LYST: variants seen among roughly 807,000 people sequenced by gnomAD.
The protein encoded by LYST is lysosomal trafficking regulator, also known as lysosomal-trafficking regulator.
LYST carries 192 observed loss-of-function variants against 413.6 expected under a neutral mutation model. The ratio of observed to expected loss-of-function variants is 0.46; its 90% confidence interval spans 0.41 to 0.52. The LOEUF (loss-of-function observed/expected upper bound fraction) is 0.52. Ranked by LOEUF, LYST falls within the 20% of genes least tolerant of loss-of-function variation. The probability of loss-of-function intolerance (pLI) is 0.00; values close to 1 mark genes in which losing one functional copy is unlikely to be tolerated. For synonymous variants in LYST, 1,525 were observed against 1,567.3 expected, an observed-to-expected ratio of 0.97 and a Z score of 0.64; for missense variants, 3,815 against 4,499.9, an observed-to-expected ratio of 0.85 and a Z score of 4.35.
rs1206084274 is a variant in LYST at position 235,716,790 on chromosome 1, G to C, written c.9561-12C>G. ...GTTTAGAGAGATTTCTGCAAGAAAA[G>C]GACAATTTTAAAAATTAAATATTTT... is the stretch of plus-strand genomic sequence containing the variant. On this transcript the variant is annotated splice_polypyrimidine_tract_variant and intron_variant, in intron 40 of 52. Transcript: ENST00000389793. The C allele has an allele frequency of 2.0e-6, 3 of 1,510,610 alleles. No homozygotes were observed. The highest frequency in any genetic ancestry group is 1.7e-5 in the Admixed American group (1 of 59,710). The allele number at this position is 1,510,610 out of a possible 1,614,324, so 93.6% of individuals were successfully genotyped here.
intron 7 of LYST, among the ~76,000 whole-genome samples, chr1:235,803,368 C>A (rs1467685819): frequency 6.6e-6 from 1 of 152,024 alleles, no homozygotes; most frequent in African/African-American, 2.4e-5. Flanking sequence ...CAAAAAACCA[C>A]AATGTGGTAA....
At chr1:235,869,695 T>C (rs180870264), upstream of LYST, among the ~76,000 whole-genome samples, 185 of 152,312 alleles carry the variant, frequency 1.2e-3, no homozygotes, top group Admixed American at 3.7e-3. Context: ...TAAATGGATA[T>C]ATAAATCAAA....
intron 3 of LYST, among the ~76,000 whole-genome samples, chr1:235,826,630 A>T (rs1335153183): frequency 6.6e-6 from 1 of 152,186 alleles, no homozygotes; most frequent in Non-Finnish European, 1.5e-5. Context: ...AAGGTGGCGG[A>T]AATATTCTAA....
At chr1:235,815,535 GA>G (rs2102918825) in intron 3 of LYST, among the ~76,000 whole-genome samples, 1 of 152,200 alleles carries the variant, frequency 6.6e-6, no homozygotes, top group African/African-American at 2.4e-5. Flanking sequence ...CTTTTTCATA[GA>G]AAGCAAGACA....
rs1418142540 is a variant in LYST at position 235,679,543 on chromosome 1, G to A, written c.10801-1924C>T. 4.0e-5 allele frequency among the ~76,000 whole-genome samples: 6 copies of A among 151,290 alleles called. No homozygotes were observed. The East Asian group carries it at 1.2e-3, about 29-fold the overall frequency. The stretch of plus-strand genomic sequence containing the variant: ...TATTTTCTTAGCTGTATTTTTTTGT[G>A]CCTGGTTTTGTGTATTTGTCACTAC... On this transcript the variant is annotated intron_variant, in intron 48 of 52. Coordinates refer to ENST00000389793, the MANE Select transcript of LYST (RefSeq NM_000081.4).
chr1:235,786,509 G>A (rs934705913), intron 14 of LYST, among the ~76,000 whole-genome samples: 1 of 152,104 alleles, frequency 6.6e-6, no homozygotes, highest in Non-Finnish European at 1.5e-5. Flanking sequence ...CAAGGATCTG[G>A]AACTAGAAAT....
Position 235,877,855 on chromosome 1 carries a change from C to CAAAA in LYST, n.454+5328_454+5331dup, listed in dbSNP as rs59783076. Among the ~76,000 whole-genome samples, 26 of 113,488 alleles carry CAAAA rather than the reference C, an allele frequency of 2.3e-4. 1 individual carries two copies. The highest frequency in any genetic ancestry group is 6.3e-4 in the African/African-American group (18 of 28,414). The allele number at this position is 113,488 out of a possible 152,430, so 74.5% of individuals were successfully genotyped here. On this transcript the variant is annotated intron_variant and non_coding_transcript_variant, in intron 1 of 11. Transcript: ENST00000465349. ...GGAAGTATCTGACAATATCTGCCAC[C>CAAAA]AAAAAAAAAAAAAAAAAAAATCTAA...
chr1:235,851,556 A>T (rs1258968592), intron 1 of LYST, among the ~76,000 whole-genome samples: 2 of 152,132 alleles, frequency 1.3e-5, no homozygotes, highest in African/African-American at 2.4e-5. Context: ...TGATGGAAAA[A>T]TTAAAAATAA....
At chr1:235,826,790 T>A (rs1279523662) in intron 3 of LYST, among the ~76,000 whole-genome samples, 4 of 152,088 alleles carry the variant, frequency 2.6e-5, no homozygotes, top group Non-Finnish European at 5.9e-5. Flanking sequence ...CAAGCAATCC[T>A]CTCACCTCAG....
At chr1:235,687,173 A>G (rs888242304) in intron 47 of LYST, 126 bp from the exon 48 acceptor site, 2 of 711,414 alleles carry the variant, frequency 2.8e-6, no homozygotes, top group Non-Finnish European at 4.9e-6. Context: ...TTAACTCTCA[A>G]AAATGTTAGG....
At chr1:235,801,730 C>T (rs1044497788) in intron 8 of LYST, among the ~76,000 whole-genome samples, 1 of 152,266 alleles carries the variant, frequency 6.6e-6, no homozygotes, top group Admixed American at 6.5e-5. Context: ...AAAGTCAAAT[C>T]TGTACTATGG....
chr1:235,882,255 A>G (rs540721744), intron 1 of LYST, among the ~76,000 whole-genome samples: 1 of 152,218 alleles, frequency 6.6e-6, no homozygotes, highest in African/African-American at 2.4e-5. Flanking sequence ...ATAGCATAGG[A>G]AGTAAGGAGG....
intron 1 of LYST, among the ~76,000 whole-genome samples, chr1:235,855,594 T>G (rs1292225510): frequency 3.3e-5 from 5 of 152,158 alleles, no homozygotes; most frequent in African/African-American, 1.2e-4. Flanking sequence ...TGAGGAATGC[T>G]AAAAACAGCT....
intron 10 of LYST, among the ~76,000 whole-genome samples, chr1:235,797,591 A>C (rs1340451539): frequency 6.6e-6 from 1 of 152,148 alleles, no homozygotes; most frequent in Non-Finnish European, 1.5e-5. Context: ...TAATAATTAT[A>C]AAGTTGGGTC....
At chr1:235,737,877 TA>T (rs1285557057) in intron 31 of LYST, 2 of 1,102,410 alleles carry the variant, frequency 1.8e-6, no homozygotes, top group Non-Finnish European at 2.2e-6. Context: ...TGACTGACTG[TA>T]TTTAAAGGTA....
At chr1:235,770,039 G>A (rs536828469) in intron 20 of LYST, 121 bp downstream of exon 20, 7 of 839,664 alleles carry the variant, frequency 8.3e-6, no homozygotes, top group Non-Finnish European at 1.4e-5. Context: ...AGAATCTGGA[G>A]AGAAGATGGA....
intron 4 of LYST, among the ~76,000 whole-genome samples, 155 bp downstream of exon 4, chr1:235,812,816 A>C (rs946890027): frequency 2.5e-4 from 38 of 152,290 alleles, no homozygotes; most frequent in South Asian, 1.2e-3. Flanking sequence ...TGAAGGAAAA[A>C]TGTGTTTGCC....
chr1:235,683,311 C>A (rs992710033), intron 48 of LYST, among the ~76,000 whole-genome samples: 2 of 152,178 alleles, frequency 1.3e-5, no homozygotes, highest in African/African-American at 4.8e-5. Flanking sequence ...ATAAGCTGCA[C>A]ACATATTCTT....
Position 235,788,778 on chromosome 1 carries a change from A to C in LYST, c.4611T>G (p.Ile1537Met), listed in dbSNP as rs1342458305. 9 of 1,613,162 alleles carry C rather than the reference A, an allele frequency of 5.6e-6. No individual in the cohort carries two copies. Among genetic ancestry groups the C allele is most frequent in the Non-Finnish European group, 7.6e-6 (9 of 1,179,284 alleles). ...CTTTGGATCCCAGTGAAATTATATGAATACATCCTTCTTCTATGAGTCTTT... is the reference window on the plus strand; with the variant it reads ...CTTTGGATCCCAGTGAAATTATATGCATACATCCTTCTTCTATGAGTCTTT... ...PGERLIEEGC[I>M]HIISLGSKAL... Residue 1537 changes from isoleucine to methionine, a missense_variant, in exon 13 of 53, where the codon ATT (isoleucine) becomes ATG (methionine). Around this residue, in one of 4 missense-constraint regions of LYST, gnomAD observed 1,648 missense variants for 1,810.3 expected, o/e 0.91. Transcript: ENST00000389793.
Sources: allele counts gnomAD v4.1 joint callset (sites outside exome capture counted in the v4.1 genomes callset), GRCh38; gene constraint gnomAD v4.1.1; regional missense constraint gnomAD v4.1.1; transcripts MANE v1.5; gene names NCBI Gene and HGNC (gene_info 2026-07-23, HGNC 2026-07-21).